The following INPP4B variants were observed in gnomAD, a reference collection of about 807,000 sequenced individuals.
INPP4B encodes the protein inositol polyphosphate 4-phosphatase type II.
INPP4B carries 55 observed loss-of-function variants against 122.5 expected under a neutral mutation model. That is an observed-to-expected ratio of 0.45 (90% CI 0.36 to 0.56). The LOEUF (loss-of-function observed/expected upper bound fraction) is 0.56, where lower values mean the gene tolerates loss of function less well. Ranked by LOEUF, INPP4B falls within the 20% of genes least tolerant of loss-of-function variation. INPP4B has a pLI of 0.00. For synonymous variants in INPP4B, 403 were observed against 388.7 expected (o/e 1.04, Z -0.43); for missense variants, 1,000 against 1,097.7 (o/e 0.91, Z 1.26).
At chr4:142,679,693 C>A (rs1758323515) in intron 2 of INPP4B, among the ~76,000 whole-genome samples, 1 of 151,678 alleles carries the variant, frequency 6.6e-6, no homozygotes, top group Non-Finnish European at 1.5e-5. Context: ...GGATTAAGAT[C>A]TATAAGATGA....
At chr4:142,244,814 A>G (rs1489726648) in intron 11 of INPP4B, among the ~76,000 whole-genome samples, 1 of 152,216 alleles carries the variant, frequency 6.6e-6, no homozygotes, top group Non-Finnish European at 1.5e-5. Flanking sequence ...ACTGTCTTCT[A>G]AAATGGTTGA....
intron 16 of INPP4B, among the ~76,000 whole-genome samples, chr4:142,169,233 T>C (rs1425217219): frequency 3.3e-5 from 5 of 151,718 alleles, no homozygotes; most frequent in African/African-American, 1.2e-4. Flanking sequence ...AAGGCAATTA[T>C]GAAAAACAGC....
At chr4:142,098,013 A>G (rs1028412043) in intron 23 of INPP4B, among the ~76,000 whole-genome samples, 9 of 152,170 alleles carry the variant, frequency 5.9e-5, no homozygotes, top group Admixed American at 5.2e-4. Context: ...GCTATAAAAA[A>G]CTTTAAGAGA....
chr4:142,310,079 C>T (rs1379164365), intron 8 of INPP4B, among the ~76,000 whole-genome samples: 1 of 152,130 alleles, frequency 6.6e-6, no homozygotes. Flanking sequence ...CTGGCCAAAC[C>T]TCCATCATTC....
chr4:142,778,400 T>C (rs1287322962), intron 1 of INPP4B, among the ~76,000 whole-genome samples: 1 of 152,170 alleles, frequency 6.6e-6, no homozygotes, highest in African/African-American at 2.4e-5. Context: ...TTGAGACTCA[T>C]GACTTGTTTT....
At chr4:142,483,087 G>T (rs186738) in intron 2 of INPP4B, among the ~76,000 whole-genome samples, 1 of 145,890 alleles carries the variant, frequency 6.9e-6, no homozygotes. Flanking sequence ...GTCTGCAAAA[G>T]AATTATTTGG....
intron 2 of INPP4B, among the ~76,000 whole-genome samples, chr4:142,680,631 G>A (rs1387720889): frequency 6.6e-6 from 1 of 151,850 alleles, no homozygotes; most frequent in Non-Finnish European, 1.5e-5. Flanking sequence ...ATTTAGAAGT[G>A]GAAGTCACTT....
At chr4:142,819,356 AAGATTTGTCCCTACTGAGAGC>A (rs1780529057) in intron 1 of INPP4B, among the ~76,000 whole-genome samples, 1 of 152,094 alleles carries the variant, frequency 6.6e-6, no homozygotes, top group Admixed American at 6.6e-5. Flanking sequence ...CCAACTTGTA[AAGATTTGTCCCTACTGAGAGC>A]AGAATATAGG....
intron 2 of INPP4B, among the ~76,000 whole-genome samples, chr4:142,588,878 A>G (rs1736822662): frequency 6.6e-6 from 1 of 151,966 alleles, no homozygotes; most frequent in African/African-American, 2.4e-5. Context: ...AAAGAAATAG[A>G]ATAGTCAACG....
intron 9 of INPP4B, among the ~76,000 whole-genome samples, chr4:142,275,874 A>C (rs1383884253): frequency 6.6e-6 from 1 of 151,658 alleles, no homozygotes; most frequent in Non-Finnish European, 1.5e-5. Flanking sequence ...GATCTACCCC[A>C]ATCCCATATT....
At chr4:142,693,890 C>G (rs572474953) in intron 2 of INPP4B, among the ~76,000 whole-genome samples, 2 of 151,944 alleles carry the variant, frequency 1.3e-5, no homozygotes, top group Non-Finnish European at 2.9e-5. Context: ...GAAGAAAAAG[C>G]CTTGAAAACT....
At chr4:142,780,389 C>A (rs1774607019) in intron 1 of INPP4B, among the ~76,000 whole-genome samples, 1 of 152,108 alleles carries the variant, frequency 6.6e-6, no homozygotes, top group Non-Finnish European at 1.5e-5. Flanking sequence ...AGGACTTAAT[C>A]AAAATACGAA....
intron 2 of INPP4B, among the ~76,000 whole-genome samples, chr4:142,525,056 C>T (rs1364153169): frequency 7.1e-4 from 107 of 151,032 alleles, no homozygotes; most frequent in Middle Eastern, 3.4e-3. Flanking sequence ...GATACAAAAT[C>T]AATGTGCAAA....
At chr4:142,269,474 G>T (rs1561691649) in intron 10 of INPP4B, among the ~76,000 whole-genome samples, 1 of 151,990 alleles carries the variant, frequency 6.6e-6, no homozygotes, top group Non-Finnish European at 1.5e-5. Context: ...GACCTGCCTT[G>T]GTCATTTTTT....
At chr4:142,644,422 T>C (rs1224231560) in intron 2 of INPP4B, among the ~76,000 whole-genome samples, 2 of 151,958 alleles carry the variant, frequency 1.3e-5, no homozygotes. Context: ...CAAAAAGAGA[T>C]ATGAAATTAT....
Position 142,399,353 on chromosome 4 carries a change from C to A in INPP4B, c.372+3585G>T, listed in dbSNP as rs574642968. 2.6e-5 allele frequency among the ~76,000 whole-genome samples: 4 copies of A among 152,084 alleles called. No homozygotes were observed. The South Asian group carries it at 8.3e-4, about 32-fold the overall frequency. ...CTGGGATTACAGGCGTGTGCCACCACGCCCAGCTAATTTTTGTATTTTTAG... is the reference window on the plus strand; with the variant it reads ...CTGGGATTACAGGCGTGTGCCACCAAGCCCAGCTAATTTTTGTATTTTTAG... On this transcript the variant is annotated intron_variant, in intron 7 of 25. Transcript: ENST00000262992.
intron 2 of INPP4B, among the ~76,000 whole-genome samples, chr4:142,496,449 A>T (rs771178280): frequency 2.0e-4 from 31 of 152,270 alleles, no homozygotes; most frequent in Admixed American, 9.8e-4. Flanking sequence ...AAATTTCTGG[A>T]TTATGGGGCA....
intron 5 of INPP4B, among the ~76,000 whole-genome samples, chr4:142,409,857 C>A (rs956761809): frequency 2.0e-5 from 3 of 152,198 alleles, no homozygotes; most frequent in Non-Finnish European, 2.9e-5. Context: ...ACAGCTACTA[C>A]CTAGCCTCTT....
rs557693480 is a variant in INPP4B at position 142,045,148 on chromosome 4, G to GA, written c.2643-16235dup. ...ATATAATTTTAAAGCCCAATGTTAT[G>GA]AAAATCTCAAGAATGTACATACCTA... On this transcript the variant is annotated intron_variant, in intron 25 of 25. Coordinates refer to ENST00000262992, the MANE Select transcript of INPP4B (RefSeq NM_001101669.3). Among the ~76,000 whole-genome samples, 475 of 152,212 alleles carry GA rather than the reference G, an allele frequency of 3.1e-3. 1 individual carries two copies. Among genetic ancestry groups the GA allele is most frequent in the South Asian group, 0.01 (50 of 4,826 alleles).
Sources: allele counts gnomAD v4.1 joint callset (sites outside exome capture counted in the v4.1 genomes callset), GRCh38; gene constraint gnomAD v4.1.1; transcripts MANE v1.5; gene names NCBI Gene and HGNC (gene_info 2026-07-23, HGNC 2026-07-21).